Variants in CDH5 observed in about 807,000 individuals in gnomAD.
CDH5 encodes the protein cadherin-5.
A neutral mutation model predicts 62.0 loss-of-function variants in CDH5; 28 were observed. The observed-to-expected ratio is 0.45, with a 90% CI of 0.33 to 0.62. The LOEUF is 0.62. CDH5 is among the 20% of genes least tolerant of loss of function. CDH5 has a pLI of 0.02. For missense variants in CDH5, 940 were observed against 1,065.1 expected (o/e 0.88, Z 1.63); for synonymous variants, 464 against 445.8 (o/e 1.04, Z -0.52).
Position 66,372,238 on chromosome 16 carries a change from G to A in CDH5, c.-20+5480G>A, listed in dbSNP as rs557980381. Among the ~76,000 whole-genome samples, 11 of 152,308 alleles carry A rather than the reference G, an allele frequency of 7.2e-5. No individual in the cohort carries two copies. The South Asian group carries it at 1.9e-3, about 26-fold the overall frequency. On this transcript the variant is annotated intron_variant, in intron 1 of 11. Transcript: ENST00000341529. ...AAACTGCATTTTTCACCACATGACC[G>A]GCATCCCTCTCTCCCACGGAAGTGG...
intron 11 of CDH5, 141 bp downstream of exon 11, chr16:66,401,157 G>A: frequency 1.8e-6 from 2 of 1,106,860 alleles, no homozygotes; most frequent in Non-Finnish European, 2.6e-6. Flanking sequence ...GCAGCCCTTA[G>A]CCAGTTCATG....
chr16:66,388,418 G>C lies in CDH5; in HGVS notation c.594G>C (p.Glu198Asp), dbSNP rs778301407. The change falls in exon 4 of 12, where the codon GAG (glutamate) becomes GAC (aspartate). Residue 198 changes from glutamate (E) to aspartate (D), a missense_variant. By Grantham distance (45) the Glu-to-Asp change is conservative. Transcript: ENST00000341529. ...TGTACCAAATCCTGAAGGGGAAAGA[G>C]TATTTTGCCATCGATAATTCTGGTC... is the stretch of plus-strand genomic sequence containing the variant. ...SVMYQILKGKEYFAIDNSGRI... is the reference protein window; with the variant it reads ...SVMYQILKGKDYFAIDNSGRI... 6.2e-7 allele frequency: 1 copy of C among 1,611,758 alleles called. No individual in the cohort carries two copies. The highest frequency in any genetic ancestry group is 8.5e-7 in the Non-Finnish European group (1 of 1,177,796).
At chr16:66,396,298 T>C in intron 8 of CDH5, 97 bp downstream of exon 8, 1 of 1,477,946 alleles carries the variant, frequency 6.8e-7, no homozygotes, top group Non-Finnish European at 9.3e-7. Flanking sequence ...TCTAGACGTA[T>C]TAGAAGTGCC....
At position 66,379,519 on chromosome 16, in the gene CDH5, A is replaced by G. The variant is rs1285056652; in HGVS notation, c.182A>G (p.Asn61Ser). 1.9e-6 allele frequency: 3 copies of G among 1,614,180 alleles called. No individual in the cohort carries two copies. The highest frequency in any genetic ancestry group is 3.3e-5 in the Admixed American group (2 of 60,030). ...CAGATGCACATTGATGAAGAGAAAA[A>G]CACCTCACTTCCCCATCATGTAGGC... is the stretch of plus-strand genomic sequence containing the variant. The part of the protein sequence containing the change: ...WNQMHIDEEK[N>S]TSLPHHVGKI... Residue 61 changes from asparagine to serine, a missense_variant, in exon 2 of 12, where the codon AAC becomes AGC. Coordinates refer to ENST00000341529, the MANE Select transcript of CDH5 (RefSeq NM_001795.5).
chr16:66,397,038 A>G (rs574721828), intron 8 of CDH5, among the ~76,000 whole-genome samples: 28 of 152,380 alleles, frequency 1.8e-4, no homozygotes, highest in Non-Finnish European at 3.2e-4. Flanking sequence ...AATGAGAAGA[A>G]AATACTCCTC....
rs1233672609 is a variant in CDH5 at position 66,389,439 on chromosome 16, A to G, written c.698A>G (p.Gln233Arg). ...ATCGTGGTGGAAGCGCGAGATGCCC[A>G]GGGCCTCCGGGGGGACTCGGGCACG... ...YEIVVEARDA[Q>R]GLRGDSGTAT... The change falls in exon 5 of 12, where the codon CAG becomes CGG. Residue 233 changes from glutamine to arginine, a missense_variant. Coordinates refer to ENST00000341529, the MANE Select transcript of CDH5 (RefSeq NM_001795.5). The G allele has an allele frequency of 1.9e-6, 3 of 1,613,360 alleles. No individual in the cohort carries two copies. The highest frequency in any genetic ancestry group is 1.3e-5 in the African/African-American group (1 of 74,892).
intron 3 of CDH5, among the ~76,000 whole-genome samples, chr16:66,387,317 C>T (rs1345671499): frequency 1.3e-5 from 2 of 152,258 alleles, no homozygotes; most frequent in African/African-American, 4.8e-5. Flanking sequence ...ATAGACCAAG[C>T]CCTGATCCTA....
At chr16:66,369,091 G>A (rs1960638285) in intron 1 of CDH5, among the ~76,000 whole-genome samples, 1 of 152,192 alleles carries the variant, frequency 6.6e-6, no homozygotes, top group African/African-American at 2.4e-5. Context: ...CTTGAGAGTA[G>A]GGGATGGTCC....
chr16:66,383,562 C>T (rs1379038644), intron 2 of CDH5, among the ~76,000 whole-genome samples: 3 of 152,080 alleles, frequency 2.0e-5, no homozygotes, highest in Non-Finnish European at 2.9e-5. Flanking sequence ...ACACACTCAC[C>T]GAGAGCCCAG....
intron 6 of CDH5, among the ~76,000 whole-genome samples, chr16:66,391,576 C>A (rs1961084834): frequency 1.3e-5 from 2 of 152,114 alleles, no homozygotes; most frequent in Non-Finnish European, 2.9e-5. Context: ...AGTTTGAGAC[C>A]AGCCTGGCCA....
Position 66,392,750 on chromosome 16 carries a change from T to C in CDH5, c.1217+367T>C, listed in dbSNP as rs151274552. On this transcript the variant is annotated intron_variant, in intron 7 of 11. Transcript: ENST00000341529. Reference sequence around the variant, plus strand: ...TTCACTAAAACTGTATTCTTGAATCTATCTTCCCCAAACCACAAAAGTAAG... The same window carrying C: ...TTCACTAAAACTGTATTCTTGAATCCATCTTCCCCAAACCACAAAAGTAAG... The C allele has an allele frequency of 3.5e-3, 784 of 226,418 alleles. 2 individuals are homozygous for C. The highest frequency in any genetic ancestry group is 0.018 in the South Asian group (199 of 11,080). The allele number at this position is 226,418 out of a possible 1,614,324, so 14.0% of individuals were successfully genotyped here.
At chr16:66,381,423 C>T (rs1298235037) in intron 2 of CDH5, among the ~76,000 whole-genome samples, 1 of 152,218 alleles carries the variant, frequency 6.6e-6, no homozygotes, top group Non-Finnish European at 1.5e-5. Flanking sequence ...GATGTCAAAG[C>T]TATCCAGTCT....
intron 1 of CDH5, among the ~76,000 whole-genome samples, chr16:66,375,570 A>T (rs565656443): frequency 2.6e-5 from 4 of 151,996 alleles, no homozygotes; most frequent in South Asian, 2.1e-4. Flanking sequence ...ATAAAAAAAT[A>T]AAAAATGGTA....
chr16:66,371,357 A>G (rs1235002701), intron 1 of CDH5, among the ~76,000 whole-genome samples: 1 of 152,074 alleles, frequency 6.6e-6, no homozygotes, highest in Middle Eastern at 3.2e-3. Context: ...CACCTCCTGC[A>G]TGTTCTAGGC....
At chr16:66,380,872 T>C (rs1193092613) in intron 2 of CDH5, among the ~76,000 whole-genome samples, 1 of 151,788 alleles carries the variant, frequency 6.6e-6, no homozygotes, top group Non-Finnish European at 1.5e-5. Flanking sequence ...GTGTTGATAG[T>C]GGTGATAATG....
rs1235086823 is a variant in CDH5 at position 66,400,864 on chromosome 16, T to C, written c.1685T>C (p.Met562Thr). The C allele has an allele frequency of 6.2e-7, 1 of 1,614,074 alleles. No homozygotes were observed. Among genetic ancestry groups the C allele is most frequent in the Non-Finnish European group, 8.5e-7 (1 of 1,180,046 alleles). ...FLPVVISDNGMPSRTGTSTLT... is the reference protein window; with the variant it reads ...FLPVVISDNGTPSRTGTSTLT... ...CCCGTGGTCATCTCAGACAATGGGA[T>C]GCCAAGTCGCACGGGCACCAGCACG... The change falls in exon 11 of 12, where the codon ATG becomes ACG. Residue 562 changes from methionine to threonine, a missense_variant. Physicochemically the swap from Met to Thr is moderately conservative, Grantham distance 81. Coordinates refer to ENST00000341529, the MANE Select transcript of CDH5 (RefSeq NM_001795.5).
chr16:66,402,501 GAT>G, intron 11 of CDH5, 149 bp from the exon 12 acceptor site: 3 of 624,016 alleles, frequency 4.8e-6, no homozygotes, highest in Non-Finnish European at 7.9e-6. Context: ...GGGCCAAAAG[GAT>G]GGGGTTGCAG....
rs772725636 is a variant in CDH5 at position 66,372,632 on chromosome 16, A to G, written c.-20+5874A>G. Among the ~76,000 whole-genome samples the G allele has an allele frequency of 1.1e-3, 161 of 152,180 alleles. 1 individual carries two copies. The highest frequency in any genetic ancestry group is 1.7e-3 in the Non-Finnish European group (119 of 68,018). ...GCCTTCGGAGGACCCCTCGGTCACCAGGCTTGGCCTAGGTGTCTAGGTTCT... is the reference window on the plus strand; with the variant it reads ...GCCTTCGGAGGACCCCTCGGTCACCGGGCTTGGCCTAGGTGTCTAGGTTCT... On this transcript the variant is annotated intron_variant, in intron 1 of 11. Transcript: ENST00000341529.
intron 2 of CDH5, among the ~76,000 whole-genome samples, chr16:66,382,557 G>T (rs1960916325): frequency 6.6e-6 from 1 of 152,178 alleles, no homozygotes; most frequent in Admixed American, 6.5e-5. Context: ...CTGACCTCAA[G>T]GAAAATCTAT....
Sources: allele counts gnomAD v4.1 joint callset (sites outside exome capture counted in the v4.1 genomes callset), GRCh38; gene constraint gnomAD v4.1.1; transcripts MANE v1.5; gene names NCBI Gene and HGNC (gene_info 2026-07-23, HGNC 2026-07-21).